The following DOCK4 variants were observed in gnomAD, a reference collection of about 807,000 sequenced individuals.
The protein encoded by DOCK4 is dedicator of cytokinesis 4.
In DOCK4, 97 loss-of-function variants were observed where a neutral mutation model predicts 268.1. That is an observed-to-expected ratio of 0.36 (90% CI 0.31 to 0.43). The LOEUF is 0.43. DOCK4 is among the 20% of genes least tolerant of loss of function. DOCK4 has a pLI of 1.00. For missense variants in DOCK4, 2,145 were observed against 2,455.7 expected, an observed-to-expected ratio of 0.87 and a Z score of 2.67; for synonymous variants, 954 against 887.2, an observed-to-expected ratio of 1.08 and a Z score of -1.34.
At chr7:112,100,632 G>A (rs938718842) in intron 1 of DOCK4, among the ~76,000 whole-genome samples, 5 of 152,174 alleles carry the variant, frequency 3.3e-5, no homozygotes, top group African/African-American at 4.8e-5. Context: ...CAACATCCAA[G>A]ATTGCATATA....
intron 1 of DOCK4, among the ~76,000 whole-genome samples, chr7:112,109,936 G>A (rs1811495436): frequency 6.7e-6 from 1 of 149,302 alleles, no homozygotes; most frequent in African/African-American, 2.6e-5. Flanking sequence ...TTAGGAGACG[G>A]GGTTTCACTG....
At chr7:111,791,746 C>T (rs1412128988) in intron 30 of DOCK4, among the ~76,000 whole-genome samples, 1 of 152,124 alleles carries the variant, frequency 6.6e-6, no homozygotes, top group Non-Finnish European at 1.5e-5. Flanking sequence ...TCGCGCCCAG[C>T]CTGTTTTTTA....
At position 111,901,658 on chromosome 7, in the gene DOCK4, AT is replaced by A. The variant is rs1446313902; in HGVS notation, c.1317+18del. ...TTATACAGACTTGTTTGACCTGGAA[AT>A]ATCAAGTATTAACATACCTTCAGGG... On this transcript the variant is annotated intron_variant, in intron 14 of 52. Transcript: ENST00000428084. 3.1e-6 allele frequency: 5 copies of A among 1,611,630 alleles called. No homozygotes were observed. The highest frequency in any genetic ancestry group is 2.7e-5 in the African/African-American group (2 of 74,988).
chr7:111,996,826 A>T (rs557745088), intron 4 of DOCK4, among the ~76,000 whole-genome samples: 2 of 152,380 alleles, frequency 1.3e-5, no homozygotes, highest in East Asian at 3.9e-4. Context: ...GTACTTATTT[A>T]AAAACCATAT....
intron 16 of DOCK4, among the ~76,000 whole-genome samples, chr7:111,883,423 CT>C (rs569580571): frequency 3.7e-4 from 56 of 152,180 alleles, no homozygotes; most frequent in Admixed American, 6.5e-4. Context: ...CTCTGTCCTG[CT>C]ATTTCCAGGC....
At position 112,066,484 on chromosome 7, in the gene DOCK4, C is replaced by G. The variant is rs193229078; in HGVS notation, c.38-62353G>C. On this transcript the variant is annotated intron_variant, in intron 1 of 52. Coordinates refer to ENST00000428084, the MANE Select transcript of DOCK4 (RefSeq NM_001363540.2). Reference sequence around the variant, plus strand: ...AATAAATCCCCTCTCATATAGCATGCTTTCTCTCTCTCCCTCTCTCTCTCT... The same window carrying G: ...AATAAATCCCCTCTCATATAGCATGGTTTCTCTCTCTCCCTCTCTCTCTCT... Among the ~76,000 whole-genome samples the G allele has an allele frequency of 5.4e-3, 748 of 139,132 alleles. 7 individuals carry two copies. Among genetic ancestry groups the G allele is most frequent in the African/African-American group, 0.021 (703 of 32,782 alleles). The allele number at this position is 139,132 out of a possible 152,430, so 91.3% of individuals were successfully genotyped here.
At chr7:111,983,397 T>C (rs903740925) in intron 7 of DOCK4, among the ~76,000 whole-genome samples, 11 of 152,122 alleles carry the variant, frequency 7.2e-5, no homozygotes, top group African/African-American at 2.7e-4. Flanking sequence ...AGGCAGTCCT[T>C]CTTGGAACTT....
At chr7:111,765,714 A>C (rs1182357641) in intron 38 of DOCK4, among the ~76,000 whole-genome samples, 1 of 152,184 alleles carries the variant, frequency 6.6e-6, no homozygotes, top group African/African-American at 2.4e-5. Flanking sequence ...GGAAGGTGCA[A>C]TCTTGCACAG....
intron 2 of DOCK4, among the ~76,000 whole-genome samples, chr7:112,003,647 G>GGCA (rs1800621268): frequency 6.6e-6 from 1 of 152,000 alleles, no homozygotes; most frequent in South Asian, 2.1e-4. Context: ...AGTTGGCCTG[G>GGCA]GCAGGAGCCC....
At chr7:111,905,710 T>TGTGTGTGTGC (rs58938757) in intron 13 of DOCK4, among the ~76,000 whole-genome samples, 80 of 151,868 alleles carry the variant, frequency 5.3e-4, no homozygotes, top group African/African-American at 1.9e-3. Flanking sequence ...TGTGTGTGTG[T>TGTGTGTGTGC]GCACGTGTAT....
At chr7:111,998,964 A>G (rs1429251349) in intron 3 of DOCK4, among the ~76,000 whole-genome samples, 1 of 152,130 alleles carries the variant, frequency 6.6e-6, no homozygotes, top group Non-Finnish European at 1.5e-5. Flanking sequence ...TTTAGAGATA[A>G]TATGTGTATT....
intron 8 of DOCK4, among the ~76,000 whole-genome samples, chr7:111,961,330 T>C (rs1796875091): frequency 6.6e-6 from 1 of 152,212 alleles, no homozygotes; most frequent in Non-Finnish European, 1.5e-5. Flanking sequence ...TCTGGATCCC[T>C]TCTGCCGTTG....
At chr7:111,865,989 C>T (rs1451378378) in intron 22 of DOCK4, among the ~76,000 whole-genome samples, 2 of 152,184 alleles carry the variant, frequency 1.3e-5, no homozygotes, top group African/African-American at 4.8e-5. Context: ...CTCCAGATAA[C>T]ACATGAAAGC....
At chr7:111,985,269 G>A (rs551108907) in intron 6 of DOCK4, among the ~76,000 whole-genome samples, 3 of 152,092 alleles carry the variant, frequency 2.0e-5, no homozygotes, top group South Asian at 2.1e-4. Context: ...GCTACACAAC[G>A]CCTGTGTAAT....
At chr7:111,755,421 A>G in intron 42 of DOCK4, 94 bp downstream of exon 42, 1 of 1,204,698 alleles carries the variant, frequency 8.3e-7, no homozygotes, top group Admixed American at 1.9e-5. Flanking sequence ...GCTTCCAGAG[A>G]ATCTGGGTCG....
intron 1 of DOCK4, among the ~76,000 whole-genome samples, chr7:112,154,787 C>T (rs1021065489): frequency 6.6e-6 from 1 of 152,180 alleles, no homozygotes. Context: ...AATCTCATTA[C>T]TACTATCCCT....
At position 111,740,130 on chromosome 7, in the gene DOCK4, C is replaced by T. The variant is rs577564085; in HGVS notation, c.5041-653G>A. 1.6e-3 allele frequency: 688 copies of T among 440,798 alleles called. 3 individuals are homozygous for T. Among genetic ancestry groups the T allele is most frequent in the Non-Finnish European group, 2.5e-3 (552 of 220,378 alleles). 27.3% of individuals were successfully genotyped at this position (440,798 alleles called of 1,614,324 possible). ...TTCTTTTTTCTTTGAGACACAGTCT[C>T]GCTTTGTTGCCCAGGCTGGAGTGCA... is the stretch of plus-strand genomic sequence containing the variant. On this transcript the variant is annotated intron_variant, in intron 47 of 52. Coordinates refer to ENST00000428084, the MANE Select transcript of DOCK4 (RefSeq NM_001363540.2).
chr7:111,819,182 G>A (rs57290603), intron 27 of DOCK4, among the ~76,000 whole-genome samples: 14,000 of 152,200 alleles, frequency 0.092, 2,054 homozygotes, highest in African/African-American at 0.31. Flanking sequence ...ACTGAAGAGA[G>A]AAGGAGTTTT....
intron 1 of DOCK4, among the ~76,000 whole-genome samples, chr7:112,080,716 GT>G (rs1276174829): frequency 1.3e-5 from 2 of 152,124 alleles, no homozygotes; most frequent in Admixed American, 6.6e-5. Flanking sequence ...CAGCTCCTTC[GT>G]TCAACGCATA....
Sources: allele counts gnomAD v4.1 joint callset (sites outside exome capture counted in the v4.1 genomes callset), GRCh38; gene constraint gnomAD v4.1.1; transcripts MANE v1.5; gene names NCBI Gene and HGNC (gene_info 2026-07-23, HGNC 2026-07-21).